DACH2: variants seen among roughly 807,000 people sequenced by gnomAD.
The protein encoded by DACH2 is dachshund family transcription factor 2.
Under a neutral mutation model 35.8 loss-of-function variants are expected in DACH2, and 17 were observed. The observed-to-expected ratio is 0.48, with a 90% CI of 0.33 to 0.71. The LOEUF (loss-of-function observed/expected upper bound fraction) is 0.71, where lower values mean the gene tolerates loss of function less well. DACH2 is among the 30% of genes least tolerant of loss of function. DACH2 has a pLI of 0.02. For missense variants in DACH2, 469 were observed against 472.7 expected, an observed-to-expected ratio of 0.99 and a Z score of 0.07; for synonymous variants, 195 against 177.3, an observed-to-expected ratio of 1.10 and a Z score of -0.79.
chrX:86,223,586 T>A (rs1474506060), intron 1 of DACH2, among the ~76,000 whole-genome samples: 1 of 111,884 alleles, frequency 8.9e-6, no homozygotes, highest in African/African-American at 3.2e-5. Flanking sequence ...TCCTTTTTTC[T>A]TTTCATAATT....
intron 2 of DACH2, among the ~76,000 whole-genome samples, chrX:86,443,092 T>G (rs896000294): frequency 6.2e-5 from 7 of 112,014 alleles, no homozygotes; most frequent in Non-Finnish European, 1.1e-4. Context: ...TTTAGAATTT[T>G]TATCTATTTC....
At chrX:86,522,283 C>T (rs973304149) in intron 3 of DACH2, among the ~76,000 whole-genome samples, 13 of 110,942 alleles carry the variant, frequency 1.2e-4, no homozygotes, top group South Asian at 3.7e-4. Context: ...AATGTAGTGT[C>T]GTTAAAATAT....
At chrX:86,417,725 T>C (rs2036732363) in intron 2 of DACH2, among the ~76,000 whole-genome samples, 1 of 110,958 alleles carries the variant, frequency 9.0e-6, no homozygotes, top group African/African-American at 3.3e-5. Flanking sequence ...CCACACCTGG[T>C]CCCTCCCAAA....
chrX:86,605,405 C>T (rs769111734), intron 3 of DACH2, among the ~76,000 whole-genome samples: 2 of 110,679 alleles, frequency 1.8e-5, no homozygotes, highest in African/African-American at 6.5e-5. Flanking sequence ...GTATGGAATT[C>T]TGAGTTGGCA....
chrX:86,473,106 G>A (rs923381431), intron 2 of DACH2, among the ~76,000 whole-genome samples: 4 of 111,342 alleles, frequency 3.6e-5, no homozygotes, highest in East Asian at 2.8e-4. Context: ...CGTAATAATC[G>A]CAACAGTTAA....
intron 6 of DACH2, among the ~76,000 whole-genome samples, 195 bp from the exon 7 acceptor site, chrX:86,739,552 C>A (rs896949986): frequency 9.0e-6 from 1 of 111,595 alleles, no homozygotes; most frequent in African/African-American, 3.3e-5. Context: ...TATAATTTAG[C>A]CCTCATGATA....
At chrX:86,322,085 T>C (rs888358526) in intron 1 of DACH2, among the ~76,000 whole-genome samples, 2 of 110,715 alleles carry the variant, frequency 1.8e-5, no homozygotes, top group African/African-American at 6.6e-5. Flanking sequence ...CTTGCTCTTC[T>C]GACTTAGGGG....
chrX:86,294,766 C>T (rs759208821), intron 1 of DACH2, among the ~76,000 whole-genome samples: 2 of 109,826 alleles, frequency 1.8e-5, no homozygotes, highest in Admixed American at 9.6e-5. Context: ...CTTGAGGAGG[C>T]AGTCTGCCCG....
chrX:86,581,875 A>G (rs1303851857), intron 3 of DACH2, among the ~76,000 whole-genome samples: 1 of 111,327 alleles, frequency 9.0e-6, no homozygotes, highest in Non-Finnish European at 1.9e-5. Context: ...TGAACTCAAC[A>G]CTTGACCAAT....
intron 1 of DACH2, among the ~76,000 whole-genome samples, chrX:86,341,299 C>G (rs1356276670): frequency 1.8e-5 from 2 of 111,601 alleles, no homozygotes; most frequent in Admixed American, 9.6e-5. Flanking sequence ...ATTTACCATT[C>G]TGAAAATCCT....
chrX:86,582,300 A>G (rs1333939665), intron 3 of DACH2, among the ~76,000 whole-genome samples: 1 of 111,503 alleles, frequency 9.0e-6, no homozygotes, highest in Admixed American at 9.6e-5. Context: ...TAAAGGGACT[A>G]GAGAAACACA....
At chrX:86,596,285 CT>C (rs1444601031) in intron 3 of DACH2, among the ~76,000 whole-genome samples, 1 of 111,465 alleles carries the variant, frequency 9.0e-6, no homozygotes, top group Non-Finnish European at 1.9e-5. Context: ...TCGTGTCTAA[CT>C]TTTTTAGGAA....
intron 3 of DACH2, among the ~76,000 whole-genome samples, chrX:86,552,628 G>T (rs1056467967): frequency 8.9e-6 from 1 of 112,160 alleles, no homozygotes; most frequent in African/African-American, 3.2e-5. Flanking sequence ...TGGTATGCCT[G>T]ACTTTAGCTG....
At chrX:86,410,618 G>T (rs1238568853) in intron 2 of DACH2, among the ~76,000 whole-genome samples, 1 of 110,774 alleles carries the variant, frequency 9.0e-6, no homozygotes, top group Non-Finnish European at 1.9e-5. Flanking sequence ...AAAAACTAAT[G>T]CTCTGGTGAC....
chrX:86,647,962 A>G (rs1427614664), intron 3 of DACH2, among the ~76,000 whole-genome samples: 1 of 111,289 alleles, frequency 9.0e-6, no homozygotes, highest in Non-Finnish European at 1.9e-5. Flanking sequence ...GACTTGGTCA[A>G]TAATTACAGT....
At chrX:86,417,919 C>T (rs2036736047) in intron 2 of DACH2, among the ~76,000 whole-genome samples, 1 of 111,738 alleles carries the variant, frequency 8.9e-6, no homozygotes, top group Admixed American at 9.5e-5. Flanking sequence ...TAGTTACTTC[C>T]TAGATACAAT....
At chrX:86,584,131 C>A (rs751005542) in intron 3 of DACH2, among the ~76,000 whole-genome samples, 242 of 111,019 alleles carry the variant, frequency 2.2e-3, no homozygotes, top group Non-Finnish European at 3.9e-3. Context: ...TACTTAATTT[C>A]TTTTATTTAA....
intron 1 of DACH2, among the ~76,000 whole-genome samples, chrX:86,191,692 G>A (rs1279451328): frequency 3.6e-5 from 4 of 111,259 alleles, no homozygotes; most frequent in African/African-American, 1.3e-4. Flanking sequence ...TGTAAGCCTA[G>A]CACTTTGGGA....
intron 1 of DACH2, among the ~76,000 whole-genome samples, chrX:86,286,622 C>T (rs1266678763): frequency 9.0e-6 from 1 of 110,576 alleles, no homozygotes; most frequent in Non-Finnish European, 1.9e-5. Flanking sequence ...TTTTGGACCC[C>T]TTGTATTTTT....
Sources: allele counts gnomAD v4.1 joint callset (sites outside exome capture counted in the v4.1 genomes callset), GRCh38; gene constraint gnomAD v4.1.1; transcripts MANE v1.5; gene names NCBI Gene and HGNC (gene_info 2026-07-23, HGNC 2026-07-21).